XIRP2: variants seen among roughly 807,000 people sequenced by gnomAD.
XIRP2 encodes xin actin binding repeat containing 2.
A neutral mutation model predicts 277.0 loss-of-function variants in XIRP2; 236 were observed. That is an observed-to-expected ratio of 0.85 (90% CI 0.77 to 0.95). XIRP2 has a LOEUF of 0.95. Ranked by LOEUF, XIRP2 falls within the 40% of genes least tolerant of loss-of-function variation. The pLI is 0.00. For synonymous variants in XIRP2, 1,490 were observed against 1,416.5 expected, an observed-to-expected ratio of 1.05 and a Z score of -1.17; for missense variants, 4,640 against 4,157.5, an observed-to-expected ratio of 1.12 and a Z score of -3.19.
rs778920218 is a variant in XIRP2, at chr2:167,242,638, T to G, written c.1246T>G (p.Ser416Ala). The change falls in exon 9 of 11, where the codon TCA (serine) becomes GCA (alanine). Residue 416 changes from serine to alanine, a missense_variant. Physicochemically the swap from Ser to Ala is moderately conservative, Grantham distance 99. Coordinates refer to ENST00000409195, the MANE Select transcript of XIRP2 (RefSeq NM_152381.6). Reference sequence around the variant, plus strand: ...GAGTACCTCTTCCACTTCTTGCGTTTCAACCAGCCAGAGGAAGGAAACATC... The same window carrying G: ...GAGTACCTCTTCCACTTCTTGCGTTGCAACCAGCCAGAGGAAGGAAACATC... ...VVSTSSTSCV[S>A]TSQRKETSTT... 6.2e-7 allele frequency: 1 copy of G among 1,614,104 alleles called. No individual in the cohort carries two copies. The highest frequency in any genetic ancestry group is 2.2e-5 in the East Asian group (1 of 44,856).
chr2:167,141,390 A>G (rs1691713782), intron 3 of XIRP2, among the ~76,000 whole-genome samples: 1 of 152,182 alleles, frequency 6.6e-6, no homozygotes, highest in South Asian at 2.1e-4. Flanking sequence ...AAAAGAAAAA[A>G]TCCTGCCCAT....
chr2:167,025,544 G>A (rs1688128188), intron 2 of XIRP2, among the ~76,000 whole-genome samples: 1 of 151,570 alleles, frequency 6.6e-6, no homozygotes, highest in South Asian at 2.1e-4. Context: ...TAATTGTGAT[G>A]TTAGGGTGTC....
At position 167,251,341 on chromosome 2, in the gene XIRP2, C is replaced by T. The variant is rs74648672; in HGVS notation, c.9949C>T (p.Arg3317Ter). The change falls in exon 9 of 11, where the codon CGA becomes TGA. Residue 3317 changes from arginine (R) to a stop codon, truncating the protein, a stop_gained. Transcript: ENST00000409195. LOFTEE classifies it high-confidence loss of function. ...EHTQRYEAAN[R>*]TVQMAENFVN... is the part of the protein sequence containing the mutation. The stretch of plus-strand genomic sequence containing the variant: ...CACACAGAGATATGAAGCGGCCAAC[C>T]GAACTGTTCAAATGGCTGAAAATTT... 4 of 1,613,462 alleles carry T rather than the reference C, an allele frequency of 2.5e-6. No homozygotes were observed. Among genetic ancestry groups the T allele is most frequent in the East Asian group, 2.2e-5 (1 of 44,820 alleles).
At chr2:167,055,475 A>G (rs1345518633) in intron 2 of XIRP2, among the ~76,000 whole-genome samples, 2 of 152,202 alleles carry the variant, frequency 1.3e-5, no homozygotes, top group African/African-American at 4.8e-5. Flanking sequence ...ATTTAATAAA[A>G]TTATAAACTG....
Position 167,243,877 on chromosome 2 carries a change from G to C in XIRP2, c.2485G>C (p.Glu829Gln). Residue 829 changes from glutamate (E) to glutamine (Q), a missense_variant, in exon 9 of 11, where the codon GAA becomes CAA. By Grantham distance (29) the Glu-to-Gln change is conservative (BLOSUM62 2). Transcript: ENST00000409195. ...CAAAGAGTCAGAAGAGGTCATCATT[G>C]AAAAGGAAAAAATAATAGGTACAGA... ...KIKESEEVII[E>Q]KEKIIGTDVS... 1 of 1,613,664 alleles carries C rather than the reference G, an allele frequency of 6.2e-7. No individual in the cohort carries two copies. The highest frequency in any genetic ancestry group is 8.5e-7 in the Non-Finnish European group (1 of 1,179,842).
intron 2 of XIRP2, among the ~76,000 whole-genome samples, chr2:166,970,074 C>T (rs1204153218): frequency 6.6e-6 from 1 of 151,956 alleles, no homozygotes; most frequent in Non-Finnish European, 1.5e-5. Context: ...CAACATGAAC[C>T]AGAATCTTAT....
rs376631464 is a variant in XIRP2, at chr2:167,244,751, A to C, written c.3359A>C (p.His1120Pro). 2 of 1,613,374 alleles carry C rather than the reference A, an allele frequency of 1.2e-6. No individual in the cohort carries two copies. Among genetic ancestry groups the C allele is most frequent in the South Asian group, 1.1e-5 (1 of 90,932 alleles). Residue 1120 changes from histidine (H) to proline (P), a missense_variant, in exon 9 of 11, where the codon CAT (histidine) becomes CCT (proline). Physicochemically the swap from His to Pro is moderately conservative, Grantham distance 77. Coordinates refer to ENST00000409195, the MANE Select transcript of XIRP2 (RefSeq NM_152381.6). ...TTAATGACCAGCAGTGAAGAAATTC[A>C]TAAGGGAGATGTCAAAACTTGTACT... ...VSLMTSSEEI[H>P]KGDVKTCTWL...
intron 2 of XIRP2, among the ~76,000 whole-genome samples, chr2:167,054,251 C>A (rs1367200738): frequency 6.6e-6 from 1 of 152,134 alleles, no homozygotes; most frequent in African/African-American, 2.4e-5. Flanking sequence ...TTTTTTCACA[C>A]AAACAATAAT....
chr2:167,224,195 C>A (rs1416298768), intron 5 of XIRP2, among the ~76,000 whole-genome samples: 1 of 152,050 alleles, frequency 6.6e-6, no homozygotes, highest in Non-Finnish European at 1.5e-5. Flanking sequence ...CTAACTACCT[C>A]TTAGAGTTCT....
intron 2 of XIRP2, among the ~76,000 whole-genome samples, chr2:167,045,453 C>G (rs1183860324): frequency 6.6e-6 from 1 of 151,774 alleles, no homozygotes; most frequent in Non-Finnish European, 1.5e-5. Flanking sequence ...CTATCATGAC[C>G]GAGTAAACAG....
intron 2 of XIRP2, among the ~76,000 whole-genome samples, chr2:167,074,501 T>C (rs1305830257): frequency 6.6e-6 from 1 of 152,214 alleles, no homozygotes; most frequent in African/African-American, 2.4e-5. Flanking sequence ...AATTATTTAT[T>C]GCATTCATGC....
At chr2:167,189,095 C>T (rs890342231) in intron 3 of XIRP2, among the ~76,000 whole-genome samples, 1 of 152,184 alleles carries the variant, frequency 6.6e-6, no homozygotes. Flanking sequence ...GTTCCAGCCT[C>T]TCCCTTTACC....
At chr2:167,162,525 T>G (rs936740228) in intron 3 of XIRP2, among the ~76,000 whole-genome samples, 4 of 152,150 alleles carry the variant, frequency 2.6e-5, no homozygotes, top group African/African-American at 9.7e-5. Flanking sequence ...GTGAGACTTA[T>G]TCACTATCAC....
chr2:167,216,777 T>G (rs915022990), intron 4 of XIRP2, among the ~76,000 whole-genome samples: 7 of 96,440 alleles, frequency 7.3e-5, no homozygotes, highest in East Asian at 3.1e-4. Context: ...GCCATCCCAT[T>G]ACTGGGTATA....
Position 167,251,542 on chromosome 2 carries a change from A to G in XIRP2, c.10150A>G (p.Thr3384Ala). 1 of 1,613,568 alleles carries G rather than the reference A, an allele frequency of 6.2e-7. No individual in the cohort carries two copies. Among genetic ancestry groups the G allele is most frequent in the Non-Finnish European group, 8.5e-7 (1 of 1,179,628 alleles). The change falls in exon 9 of 11, where the codon ACG becomes GCG. Residue 3384 changes from threonine (T) to alanine (A), a missense_variant. Physicochemically the swap from Thr to Ala is moderately conservative, Grantham distance 58. Transcript: ENST00000409195. ...EEFGLTSLGN[T>A]SFTDFSCKHP... ...ATTTGGATTAACATCTTTAGGAAAC[A>G]CGAGTTTTACAGACTTTTCTTGCAA...
intron 1 of XIRP2, among the ~76,000 whole-genome samples, chr2:166,897,843 A>G (rs548676800): frequency 3.8e-4 from 58 of 152,214 alleles, no homozygotes; most frequent in Non-Finnish European, 7.2e-4. Flanking sequence ...TGGGGGTTGG[A>G]ACACCTCTCT....
At chr2:167,005,735 A>G (rs551098658) in intron 2 of XIRP2, among the ~76,000 whole-genome samples, 28 of 151,822 alleles carry the variant, frequency 1.8e-4, no homozygotes, top group African/African-American at 5.3e-4. Context: ...AATAATGAAC[A>G]TCTGGAAAGT....
chr2:167,003,900 C>T (rs956264192), intron 2 of XIRP2, among the ~76,000 whole-genome samples: 2 of 151,774 alleles, frequency 1.3e-5, no homozygotes, highest in East Asian at 1.9e-4. Context: ...TGGAATACTG[C>T]TATCAAATAT....
At chr2:167,042,513 AAATGAAACGAACGAACAAAC>A (rs1688684318) in intron 2 of XIRP2, among the ~76,000 whole-genome samples, 1 of 152,186 alleles carries the variant, frequency 6.6e-6, no homozygotes, top group Admixed American at 6.5e-5. Context: ...AGAAAATAGA[AAATGAAACGAACGAACAAAC>A]AAAAAAATGA....
Sources: allele counts gnomAD v4.1 joint callset (sites outside exome capture counted in the v4.1 genomes callset), GRCh38; gene constraint gnomAD v4.1.1; transcripts MANE v1.5; gene names NCBI Gene and HGNC (gene_info 2026-07-23, HGNC 2026-07-21).